GOLGA2: variants seen among roughly 807,000 people sequenced by gnomAD.
GOLGA2 encodes the protein golgin A2.
A neutral mutation model predicts 148.8 loss-of-function variants in GOLGA2; 49 were observed. The observed-to-expected ratio is 0.33, with a 90% CI of 0.26 to 0.42. The LOEUF is 0.42. Among genes scored for constraint, GOLGA2 ranks in the 10% least tolerant of loss-of-function variants. GOLGA2 has a pLI of 1.00. For missense variants in GOLGA2, 1,178 were observed against 1,304.6 expected (o/e 0.90, Z 1.49); for synonymous variants, 501 against 511.8 (o/e 0.98, Z 0.28).
In GOLGA2 at chr9:128,265,863, C is replaced by G; in HGVS notation, c.751G>C (p.Gly251Arg). The G allele has an allele frequency of 6.2e-7, 1 of 1,613,352 alleles. No individual in the cohort carries two copies. Among genetic ancestry groups the G allele is most frequent in the Non-Finnish European group, 8.5e-7 (1 of 1,179,256 alleles). Residue 251 changes from glycine to arginine, a missense_variant, in exon 11 of 27, where the codon GGG (glycine) becomes CGG (arginine). Physicochemically the swap from Gly to Arg is moderately radical, Grantham distance 125. Transcript: ENST00000611957. ...TCAGCTTTCTCTGATACGAGGATCC[C>G]TATGGTCTGAATGTGAACCTTTGGG... is the stretch of plus-strand genomic sequence containing the variant. ...EQLQVHIQTI[G>R]ILVSEKAELQ...
Position 128,257,032 on chromosome 9 carries a change from C to T in GOLGA2, c.*35G>A. ...TATGGTGGGGGCAGGGTATCCAGCC[C>T]CACTTCTTCAGGCTTTGCTGACAGT... On this transcript the variant is annotated 3_prime_UTR_variant, in exon 27 of 27. Coordinates refer to ENST00000611957, the MANE Select transcript of GOLGA2 (RefSeq NM_001366244.2). This position sits in a 1 kb window ranked among gnomAD's most constrained non-coding sequence, Gnocchi z 8.0. 6.6e-7 allele frequency: 1 copy of T among 1,508,976 alleles called. No homozygotes were observed. The highest frequency in any genetic ancestry group is 9.2e-7 in the Non-Finnish European group (1 of 1,090,886). 93.5% of individuals were successfully genotyped at this position (1,508,976 alleles called of 1,614,324 possible). A position where few individuals can be genotyped will look rare whatever the true frequency, so the allele number is the denominator to read the frequency against.
chr9:128,263,909 C>T (rs1386764075), intron 12 of GOLGA2, among the ~76,000 whole-genome samples: 3 of 149,444 alleles, frequency 2.0e-5, no homozygotes, highest in Non-Finnish European at 4.5e-5. Context: ...GTAATCCTGG[C>T]ACTTTGGGAG....
Position 128,258,097 on chromosome 9 carries a change from G to A in GOLGA2, c.2391C>T (p.His797=). ...GCTCCTTCTGGGCCGAGGCCAGCAGGTGAGCCAGGCGCCGGCAGCGCACCC... is the reference window on the plus strand; with the variant it reads ...GCTCCTTCTGGGCCGAGGCCAGCAGATGAGCCAGGCGCCGGCAGCGCACCC... The part of the protein sequence containing the change: ...EQRVRCRRLA[H]LLASAQKEPE... Residue 797 remains histidine (H), a synonymous_variant, in exon 23 of 27, where the codon CAC becomes CAT. Transcript: ENST00000611957. The surrounding 1 kb of genome is among the most constrained non-coding windows in gnomAD (Gnocchi z 6.6). The A allele has an allele frequency of 1.9e-6, 3 of 1,610,372 alleles. No homozygotes were observed. The highest frequency in any genetic ancestry group is 1.7e-6 in the Non-Finnish European group (2 of 1,179,756).
Position 128,261,117 on chromosome 9 carries a change from C to G in GOLGA2, c.1420+55G>C. The G allele has an allele frequency of 8.2e-7, 1 of 1,222,844 alleles. No individual in the cohort carries two copies. Among genetic ancestry groups the G allele is most frequent in the East Asian group, 2.3e-5 (1 of 43,076 alleles). 75.7% of individuals were successfully genotyped at this position (1,222,844 alleles called of 1,614,324 possible). A position where few individuals can be genotyped will look rare whatever the true frequency, so the allele number is the denominator to read the frequency against. On this transcript the variant is annotated intron_variant, in intron 17 of 26. Transcript: ENST00000611957. This position sits in a 1 kb window ranked among gnomAD's most constrained non-coding sequence, Gnocchi z 5.7. ...AACTCCCTGGGGCATTCTAAACCAC[C>G]CCCACAACCCTCTGACACCATTCCT...
intron 6 of GOLGA2, 67 bp downstream of exon 6, chr9:128,267,867 C>T: frequency 8.0e-7 from 1 of 1,250,306 alleles, no homozygotes. Flanking sequence ...TCTTGTGAAT[C>T]CCTGCTTCAG....
chr9:128,262,185 T>TAA (rs58232809), intron 14 of GOLGA2, among the ~76,000 whole-genome samples: 26 of 120,186 alleles, frequency 2.2e-4, no homozygotes, highest in East Asian at 6.7e-4. Context: ...AGACCCCGTC[T>TAA]AAAAAAAAAA....
intron 1 of GOLGA2, among the ~76,000 whole-genome samples, chr9:128,275,671 C>CG: frequency 6.6e-6 from 1 of 151,916 alleles, no homozygotes; most frequent in Non-Finnish European, 1.5e-5. Context: ...CGGGGAGCCC[C>CG]GGGAGCACCA....
In GOLGA2 at chr9:128,272,805, G is replaced by A. The variant is rs1470650886; in HGVS notation, c.268C>T (p.Pro90Ser). 2.4e-6 allele frequency: 3 copies of A among 1,267,352 alleles called. No individual in the cohort carries two copies. Among genetic ancestry groups the A allele is most frequent in the South Asian group, 1.2e-5 (1 of 80,158 alleles). 78.5% of individuals were successfully genotyped at this position (1,267,352 alleles called of 1,614,324 possible). The change falls in exon 3 of 27, where the codon CCC becomes TCC. Residue 90 changes from proline to serine, a missense_variant. By Grantham distance (74) the Pro-to-Ser change is moderately conservative. Coordinates refer to ENST00000611957, the MANE Select transcript of GOLGA2 (RefSeq NM_001366244.2). ...CTCACCTTCCACTTGTCCAATGGGG[G>A]GAGCGCTACCCCATTGGAACGGTTA... Reference protein sequence around the residue: ...DLNRSNGVALPPLDKWKTPKD... With the variant: ...DLNRSNGVALSPLDKWKTPKD...
chr9:128,256,977 A>G lies in GOLGA2; in HGVS notation c.*90T>C. On this transcript the variant is annotated 3_prime_UTR_variant, in exon 27 of 27. Transcript: ENST00000611957. ...GGTCTATGCTTGCTACTGTAAGGGT[A>G]AAGGGTTGACTGAGAAGGGATGGTA... 1.0e-6 allele frequency: 1 copy of G among 974,916 alleles called. No individual in the cohort carries two copies. The highest frequency in any genetic ancestry group is 1.6e-6 in the Non-Finnish European group (1 of 626,004). 60.4% of individuals were successfully genotyped at this position (974,916 alleles called of 1,614,324 possible). A position where few individuals can be genotyped will look rare whatever the true frequency, so the allele number is the denominator to read the frequency against.
chr9:128,263,127 A>G, intron 12 of GOLGA2, 35 bp from the exon 13 acceptor site: 1 of 1,436,436 alleles, frequency 7.0e-7, no homozygotes, highest in Non-Finnish European at 9.8e-7. Context: ...AGGATATAGC[A>G]GGCAGAGGAG....
chr9:128,264,410 ATTAT>A (rs145554370), intron 12 of GOLGA2, among the ~76,000 whole-genome samples: 9,301 of 146,176 alleles, frequency 0.064, 441 homozygotes, highest in East Asian at 0.22. Flanking sequence ...AATTTTTGTT[ATTAT>A]TTATTTATTT....
Position 128,258,577 on chromosome 9 carries a change from G to A in GOLGA2, c.2174-7C>T. The A allele has an allele frequency of 6.4e-7, 1 of 1,550,590 alleles. No homozygotes were observed. Among genetic ancestry groups the A allele is most frequent in the East Asian group, 2.4e-5 (1 of 41,438 alleles). ...TCCCGGTCCAGTCCATCTCCTATGG[G>A]GGTGGCCAGAGGGGTCATCAGACAA... On this transcript the variant is annotated splice_region_variant and splice_polypyrimidine_tract_variant and intron_variant, in intron 21 of 26. Coordinates refer to ENST00000611957, the MANE Select transcript of GOLGA2 (RefSeq NM_001366244.2). This position sits in a 1 kb window ranked among gnomAD's most constrained non-coding sequence, Gnocchi z 6.6.
In GOLGA2 at chr9:128,267,961, G is replaced by A. The variant is rs781537290; in HGVS notation, c.474C>T (p.Ser158=). ...FSSTESLRQL[S]QQLNGLVCES... Reference sequence around the variant, plus strand: ...CACAAACAAGACCATTGAGCTGTTGGGAGAGTTGTCGCAGGCTCTCGGTTG... The same window carrying A: ...CACAAACAAGACCATTGAGCTGTTGAGAGAGTTGTCGCAGGCTCTCGGTTG... Residue 158 remains serine (S), a synonymous_variant, in exon 6 of 27, where the codon TCC becomes TCT. Transcript: ENST00000611957. The A allele has an allele frequency of 6.2e-7, 1 of 1,613,964 alleles. No individual in the cohort carries two copies. The highest frequency in any genetic ancestry group is 1.1e-5 in the South Asian group (1 of 91,066).
Position 128,261,209 on chromosome 9 carries a change from C to T in GOLGA2, c.1383G>A (p.Glu461=). 1 of 1,614,018 alleles carries T rather than the reference C, an allele frequency of 6.2e-7. No individual in the cohort carries two copies. Among genetic ancestry groups the T allele is most frequent in the Non-Finnish European group, 8.5e-7 (1 of 1,179,890 alleles). ...TCAGTTCAGCCAAGCTCGTCTCCAG[C>T]TCCTGTACCCGACTCATGCTACATT... ...EKECSMSRVQ[E]LETSLAELRN... Residue 461 remains glutamate (E), a synonymous_variant, in exon 17 of 27, where the codon GAG becomes GAA. Coordinates refer to ENST00000611957, the MANE Select transcript of GOLGA2 (RefSeq NM_001366244.2). The surrounding 1 kb of genome is among the most constrained non-coding windows in gnomAD (Gnocchi z 5.7).
In GOLGA2 at chr9:128,258,691, G is replaced by A. The variant is rs569820856; in HGVS notation, c.2174-121C>T. ...CCTCCCCAGAGGGAAATAAGCATCTGTTCTTTATTTTTATTTTATTCTTTT... is the reference window on the plus strand; with the variant it reads ...CCTCCCCAGAGGGAAATAAGCATCTATTCTTTATTTTTATTTTATTCTTTT... On this transcript the variant is annotated intron_variant, in intron 21 of 26. Transcript: ENST00000611957. The surrounding 1 kb of genome is among the most constrained non-coding windows in gnomAD (Gnocchi z 6.6). 182 of 708,460 alleles carry A rather than the reference G, an allele frequency of 2.6e-4. No homozygotes were observed. The African/African-American group carries it at 2.8e-3, about 11-fold the overall frequency. 43.9% of individuals were successfully genotyped at this position (708,460 alleles called of 1,614,324 possible).
Position 128,262,561 on chromosome 9 carries a change from G to A in GOLGA2, c.1134+2C>T. On this transcript the variant is annotated splice_donor_variant, in intron 14 of 26. Transcript: ENST00000611957. LOFTEE classifies it low-confidence loss of function (GC_TO_GT_DONOR). ...ACCACCCATGGGGCTGCAGCCTCTT[G>A]CCTGTTGAAGCAGGAGTTCCGTCAT... The A allele has an allele frequency of 6.2e-7, 1 of 1,613,562 alleles. No individual in the cohort carries two copies. The highest frequency in any genetic ancestry group is 2.2e-5 in the East Asian group (1 of 44,872).
chr9:128,263,118 G>A (rs1453700763), intron 12 of GOLGA2, 26 bp from the exon 13 acceptor site: 2 of 1,517,866 alleles, frequency 1.3e-6, no homozygotes, highest in South Asian at 2.2e-5. Context: ...GGTTAAGTCA[G>A]GATATAGCAG....
At chr9:128,259,454 A>G in intron 19 of GOLGA2, 63 bp from the exon 20 acceptor site, 1 of 1,072,346 alleles carries the variant, frequency 9.3e-7, no homozygotes, top group African/African-American at 1.6e-5. Flanking sequence ...GGGCCCATAA[A>G]TAGGGTAGCG....
At chr9:128,267,310 A>T in intron 7 of GOLGA2, 36 bp from the exon 8 acceptor site, 1 of 1,472,876 alleles carries the variant, frequency 6.8e-7, no homozygotes, top group Non-Finnish European at 9.5e-7. Flanking sequence ...TTGGAGGAGG[A>T]TTGGGGGGAG....
Sources: allele counts gnomAD v4.1 joint callset (sites outside exome capture counted in the v4.1 genomes callset), GRCh38; gene constraint gnomAD v4.1.1; non-coding constraint Gnocchi (gnomAD v3.1); transcripts MANE v1.5; gene names NCBI Gene and HGNC (gene_info 2026-07-23, HGNC 2026-07-21).